The following SH3KBP1 variants were observed in gnomAD, a reference collection of about 807,000 sequenced individuals.
The protein encoded by SH3KBP1 is SH3 domain containing kinase binding protein 1, also known as SH3 domain-containing kinase-binding protein 1.
SH3KBP1 carries 8 observed loss-of-function variants against 50.1 expected under a neutral mutation model. That is an observed-to-expected ratio of 0.16 (90% CI 0.09 to 0.29). The LOEUF is 0.29. SH3KBP1 is among the 10% of genes least tolerant of loss of function. SH3KBP1 has a pLI of 1.00. For synonymous variants in SH3KBP1, 227 were observed against 218.6 expected, an observed-to-expected ratio of 1.04 and a Z score of -0.34; for missense variants, 377 against 535.2, an observed-to-expected ratio of 0.70 and a Z score of 2.92.
At chrX:19,851,607 G>A (rs1202159668) in intron 1 of SH3KBP1, among the ~76,000 whole-genome samples, 1 of 112,732 alleles carries the variant, frequency 8.9e-6, no homozygotes, top group Non-Finnish European at 1.9e-5. Flanking sequence ...CACGATCATG[G>A]CTCACTACAG....
At chrX:19,727,827 T>C (rs188967478) in intron 3 of SH3KBP1, among the ~76,000 whole-genome samples, 1 of 111,477 alleles carries the variant, frequency 9.0e-6, no homozygotes, top group East Asian at 2.8e-4. Context: ...CTACTAAAAA[T>C]ACAAAAACGT....
intron 9 of SH3KBP1, among the ~76,000 whole-genome samples, chrX:19,600,697 A>G (rs1217774597): frequency 9.0e-6 from 1 of 111,501 alleles, no homozygotes; most frequent in Non-Finnish European, 1.9e-5. Flanking sequence ...TGCACACCCA[A>G]AAACATCCTT....
chrX:19,546,172 C>T, intron 14 of SH3KBP1, 122 bp from the exon 15 acceptor site: 1 of 794,198 alleles, frequency 1.3e-6, no homozygotes, highest in Non-Finnish European at 1.8e-6. Context: ...CTCACGATAA[C>T]CCTGTGAGGC....
chrX:19,773,494 A>AACAC (rs749894154), intron 2 of SH3KBP1, among the ~76,000 whole-genome samples: 1,155 of 94,489 alleles, frequency 0.012, 21 homozygotes, highest in African/African-American at 0.038. Context: ...CACACACACA[A>AACAC]ACACACACAC....
chrX:19,668,384 A>G (rs1208187293), intron 6 of SH3KBP1, among the ~76,000 whole-genome samples: 3 of 102,479 alleles, frequency 2.9e-5, no homozygotes, highest in Middle Eastern at 6.4e-3. Context: ...GCGGGCGCCT[A>G]TAGTCCCAGC....
At chrX:19,592,201 A>C in intron 10 of SH3KBP1, 54 bp from the exon 11 acceptor site, 3 of 956,271 alleles carry the variant, frequency 3.1e-6, no homozygotes, top group Non-Finnish European at 4.4e-6. Context: ...CTCAATTATT[A>C]CACCCACCAG....
chrX:19,766,591 G>A (rs1398302041), intron 2 of SH3KBP1, among the ~76,000 whole-genome samples: 2 of 86,243 alleles, frequency 2.3e-5, no homozygotes, highest in African/African-American at 4.5e-5. Context: ...CGCAAGCTCC[G>A]CCTCCCAGTT....
chrX:19,645,261 A>G lies in SH3KBP1; in HGVS notation c.802+139T>C, dbSNP rs796972702. 8.8e-5 allele frequency: 44 copies of G among 499,260 alleles called. No homozygotes were observed. In the South Asian group the frequency reaches 1.4e-3, roughly 15 times the overall value. The allele number at this position is 499,260 out of a possible 1,213,427, so 41.1% of individuals were successfully genotyped here. ...GCCCACCCTAATGGTGGGGAATTGA[A>G]TGAAATACAATTGTGTACATTTTTC... On this transcript the variant is annotated intron_variant, in intron 7 of 17. Transcript: ENST00000397821.
At chrX:19,539,397 G>A (rs1168940025) in intron 16 of SH3KBP1, among the ~76,000 whole-genome samples, 2 of 112,016 alleles carry the variant, frequency 1.8e-5, no homozygotes, top group Non-Finnish European at 3.8e-5. Flanking sequence ...ATATGAACCA[G>A]TTGTGATTCA....
chrX:19,704,390 T>C (rs1024177483), intron 4 of SH3KBP1, among the ~76,000 whole-genome samples: 1 of 112,646 alleles, frequency 8.9e-6, no homozygotes, highest in Non-Finnish European at 1.9e-5. Flanking sequence ...TTCTGAGAAA[T>C]GTATTAATCA....
intron 2 of SH3KBP1, among the ~76,000 whole-genome samples, chrX:19,759,179 T>C (rs1231204923): frequency 9.0e-6 from 1 of 111,581 alleles, no homozygotes; most frequent in Non-Finnish European, 1.9e-5. Context: ...CCATTATTAT[T>C]TGTATTTGAC....
At chrX:19,723,463 T>C (rs967169375) in intron 3 of SH3KBP1, among the ~76,000 whole-genome samples, 2 of 112,292 alleles carry the variant, frequency 1.8e-5, no homozygotes, top group Admixed American at 9.4e-5. Flanking sequence ...CTGAACAGTA[T>C]GATCCCATCT....
chrX:19,690,955 G>C (rs895046681), intron 5 of SH3KBP1, among the ~76,000 whole-genome samples: 1 of 111,926 alleles, frequency 8.9e-6, no homozygotes, highest in Non-Finnish European at 1.9e-5. Context: ...CTGGGCTTCA[G>C]TGTTCTCATC....
intron 3 of SH3KBP1, among the ~76,000 whole-genome samples, chrX:19,740,534 T>C (rs1424950300): frequency 4.5e-5 from 5 of 112,025 alleles, no homozygotes; most frequent in African/African-American, 1.6e-4. Context: ...GCTCCTTAAG[T>C]CAAATAAACA....
At chrX:19,709,119 C>T (rs1219068879) in intron 3 of SH3KBP1, among the ~76,000 whole-genome samples, 1 of 112,116 alleles carries the variant, frequency 8.9e-6, no homozygotes, top group African/African-American at 3.2e-5. Flanking sequence ...ACCAAATCCC[C>T]GCATCGGACT....
intron 2 of SH3KBP1, among the ~76,000 whole-genome samples, chrX:19,764,426 C>T (rs993304824): frequency 5.4e-5 from 6 of 111,306 alleles, no homozygotes; most frequent in Admixed American, 9.6e-5. Context: ...CCAAATTTCC[C>T]CTGACTCTGA....
chrX:19,759,830 T>C (rs762303052), intron 2 of SH3KBP1, among the ~76,000 whole-genome samples: 1 of 111,286 alleles, frequency 9.0e-6, no homozygotes, highest in Non-Finnish European at 1.9e-5. Context: ...AGCAGCAAAT[T>C]CCTAAGTAAT....
chrX:19,632,918 G>A (rs762665585), intron 7 of SH3KBP1, among the ~76,000 whole-genome samples: 15 of 112,155 alleles, frequency 1.3e-4, no homozygotes, highest in South Asian at 3.7e-4. Context: ...CCTAATGGCT[G>A]TGAATGGCCT....
At chrX:19,769,075 AT>A (rs36059368) in intron 2 of SH3KBP1, among the ~76,000 whole-genome samples, 9,143 of 80,963 alleles carry the variant, frequency 0.11, 401 homozygotes, top group African/African-American at 0.17. Context: ...CTGCGTTATA[AT>A]TTTTTTTTTT....
Sources: gnomAD v4.1 joint callset for allele counts (sites outside exome capture counted in the v4.1 genomes callset) on GRCh38, gnomAD v4.1.1 for gene constraint, MANE v1.5 for transcripts, NCBI Gene and HGNC (gene_info 2026-07-23, HGNC 2026-07-21) for gene names.